Variants in COX7B2 observed in about 807,000 individuals in gnomAD.
COX7B2 encodes the protein cytochrome c oxidase subunit 7B2, mitochondrial.
For missense variants in COX7B2, 109 were observed against 95.9 expected (o/e 1.14, Z -0.57); for synonymous variants, 37 against 32.1 (o/e 1.15, Z -0.51).
intron 1 of COX7B2, among the ~76,000 whole-genome samples, chr4:46,892,144 G>A (rs1429460820): frequency 1.3e-5 from 2 of 152,138 alleles, no homozygotes; most frequent in Non-Finnish European, 2.9e-5. Context: ...CCTCTTGCTA[G>A]CTACAATAGG....
At chr4:46,741,618 G>T (rs935865254) in intron 2 of COX7B2, among the ~76,000 whole-genome samples, 4 of 151,894 alleles carry the variant, frequency 2.6e-5, no homozygotes, top group Non-Finnish European at 5.9e-5. Flanking sequence ...CAAAAATGTT[G>T]CCCATCAACA....
rs1390608208 is a variant in COX7B2 at position 46,867,084 on chromosome 4, TACA to T, written c.-104-22073_-104-22071del. ...TTAGTAAAGTTTGTGTCTTCCAGAT[TACA>T]ACAATTCCATTTAAAGACAATGTTG... On this transcript the variant is annotated intron_variant, in intron 1 of 2. Coordinates refer to ENST00000355591, the MANE Select transcript of COX7B2 (RefSeq NM_130902.3). Among the ~76,000 whole-genome samples the T allele has an allele frequency of 2.0e-5, 3 of 152,202 alleles. No homozygotes were observed. The East Asian group carries it at 5.8e-4, about 29-fold the overall frequency.
At chr4:46,789,718 A>T (rs1577707115) in intron 2 of COX7B2, among the ~76,000 whole-genome samples, 1 of 152,314 alleles carries the variant, frequency 6.6e-6, no homozygotes, top group South Asian at 2.1e-4. Flanking sequence ...AGCTGAACAA[A>T]GGAAGACTAG....
chr4:46,895,091 G>A (rs1168429583), intron 1 of COX7B2, among the ~76,000 whole-genome samples: 1 of 152,154 alleles, frequency 6.6e-6, no homozygotes, highest in Non-Finnish European at 1.5e-5. Context: ...ATTCCTCAAA[G>A]AGCTAAAAAC....
At chr4:46,762,260 A>AT (rs1716210439) in intron 2 of COX7B2, among the ~76,000 whole-genome samples, 3 of 141,198 alleles carry the variant, frequency 2.1e-5, no homozygotes, top group African/African-American at 2.6e-5. Flanking sequence ...TTTAATATAT[A>AT]ATATATTTAA....
intron 1 of COX7B2, among the ~76,000 whole-genome samples, chr4:46,848,096 C>G (rs558408442): frequency 6.6e-6 from 1 of 151,908 alleles, no homozygotes; most frequent in South Asian, 2.1e-4. Flanking sequence ...GTCCTTGTAA[C>G]CTAGCCAAGC....
intron 2 of COX7B2, among the ~76,000 whole-genome samples, chr4:46,822,186 C>G (rs1252163808): frequency 2.0e-5 from 3 of 152,178 alleles, no homozygotes; most frequent in Non-Finnish European, 4.4e-5. Context: ...GTTGGGATTA[C>G]AGACGTGAGC....
rs1174788336 is a variant in COX7B2, at chr4:46,901,387, G to C, written c.-105+7773C>G. ...AGGCTTCCCACTCTGATCGAGTTGG[G>C]GGTAGAAAAAATCAGTAACTGGCAG... On this transcript the variant is annotated intron_variant, in intron 1 of 2. Transcript: ENST00000355591. Among the ~76,000 whole-genome samples the C allele has an allele frequency of 2.0e-5, 3 of 152,098 alleles. No individual in the cohort carries two copies. In the East Asian group the frequency reaches 5.8e-4, roughly 29 times the overall value.
chr4:46,817,168 T>C (rs1032288548), intron 2 of COX7B2, among the ~76,000 whole-genome samples: 1 of 152,218 alleles, frequency 6.6e-6, no homozygotes, highest in African/African-American at 2.4e-5. Flanking sequence ...TGTTCTTTGC[T>C]AGAGTTTATC....
chr4:46,814,421 A>G (rs188946392), intron 2 of COX7B2, among the ~76,000 whole-genome samples: 2 of 152,304 alleles, frequency 1.3e-5, no homozygotes, highest in East Asian at 3.9e-4. Flanking sequence ...CTTTAAGTGG[A>G]TCCTTTTTAG....
intron 1 of COX7B2, among the ~76,000 whole-genome samples, chr4:46,905,814 C>CTTTTTCT (rs1720345943): frequency 4.2e-5 from 3 of 71,690 alleles, no homozygotes; most frequent in African/African-American, 1.6e-4. Context: ...GCATATATTT[C>CTTTTTCT]TTTTTTTTTT....
At chr4:46,856,769 G>A (rs916529734) in intron 1 of COX7B2, among the ~76,000 whole-genome samples, 9 of 152,098 alleles carry the variant, frequency 5.9e-5, no homozygotes, top group African/African-American at 2.2e-4. Flanking sequence ...AAGGGCTTAA[G>A]GCAAAGCTAT....
intron 2 of COX7B2, among the ~76,000 whole-genome samples, chr4:46,752,855 A>G (rs1333353337): frequency 6.6e-6 from 1 of 152,186 alleles, no homozygotes; most frequent in Non-Finnish European, 1.5e-5. Context: ...ATCGATGTTC[A>G]TCAGCGATAT....
At chr4:46,783,381 C>A (rs1367626862) in intron 2 of COX7B2, among the ~76,000 whole-genome samples, 2 of 152,192 alleles carry the variant, frequency 1.3e-5, no homozygotes, top group Non-Finnish European at 2.9e-5. Context: ...ACTATCATTT[C>A]ATAACAGGGG....
intron 2 of COX7B2, among the ~76,000 whole-genome samples, chr4:46,745,401 C>T (rs1320690890): frequency 6.6e-6 from 1 of 152,172 alleles, no homozygotes; most frequent in African/African-American, 2.4e-5. Context: ...GAAGTAGTAA[C>T]TCTAATCATT....
At position 46,871,639 on chromosome 4, in the gene COX7B2, G is replaced by GAA. The variant is rs200609418; in HGVS notation, c.-104-26627_-104-26626dup. Reference sequence around the variant, plus strand: ...ATAAGGAGTTTAAACATATTTACAAGAAAAAAAAAAAACATTGAAAAGTGG... The same window carrying GAA: ...ATAAGGAGTTTAAACATATTTACAAGAAAAAAAAAAAAAACATTGAAAAGTGG... On this transcript the variant is annotated intron_variant, in intron 1 of 2. Coordinates refer to ENST00000355591, the MANE Select transcript of COX7B2 (RefSeq NM_130902.3). 2.1e-4 allele frequency among the ~76,000 whole-genome samples: 28 copies of GAA among 133,414 alleles called. No homozygotes were observed. In the South Asian group the frequency reaches 4.2e-3, roughly 20 times the overall value. 87.5% of individuals were successfully genotyped at this position (133,414 alleles called of 152,430 possible).
chr4:46,843,712 G>A (rs1335014170), intron 2 of COX7B2, among the ~76,000 whole-genome samples: 4 of 151,978 alleles, frequency 2.6e-5, no homozygotes, highest in East Asian at 1.9e-4. Context: ...CAATTTATAT[G>A]AGAAATGGTT....
chr4:46,756,675 C>G (rs1265925181), intron 2 of COX7B2, among the ~76,000 whole-genome samples: 1 of 151,748 alleles, frequency 6.6e-6, no homozygotes, highest in African/African-American at 2.4e-5. Context: ...TACAAGCAGT[C>G]AACAAACATA....
intron 1 of COX7B2, among the ~76,000 whole-genome samples, chr4:46,853,785 T>C (rs1193243193): frequency 6.6e-6 from 1 of 152,122 alleles, no homozygotes; most frequent in Non-Finnish European, 1.5e-5. Context: ...GATATATCCA[T>C]AGAATTGTGA....
Sources: allele counts gnomAD v4.1 joint callset (sites outside exome capture counted in the v4.1 genomes callset), GRCh38; gene constraint gnomAD v4.1.1; transcripts MANE v1.5; gene names NCBI Gene and HGNC (gene_info 2026-07-23, HGNC 2026-07-21).